ZNF750: variants seen among roughly 807,000 people sequenced by gnomAD.
The protein encoded by ZNF750 is zinc finger protein 750.
In ZNF750, 10 loss-of-function variants were observed where a neutral mutation model predicts 31.6. The observed-to-expected ratio is 0.32, with a 90% CI of 0.19 to 0.54. The LOEUF (loss-of-function observed/expected upper bound fraction) is 0.54, where lower values mean the gene tolerates loss of function less well. Among genes scored for constraint, ZNF750 ranks in the 20% least tolerant of loss-of-function variants. The probability of loss-of-function intolerance (pLI) is 0.95; values close to 1 mark genes in which losing one functional copy is unlikely to be tolerated. For missense variants in ZNF750, 914 were observed against 934.9 expected (o/e 0.98, Z 0.29); for synonymous variants, 400 against 404.9 (o/e 0.99, Z 0.15).
chr17:82,839,146 T>A (rs1455987779), intron 1 of ZNF750, among the ~76,000 whole-genome samples: 1 of 152,256 alleles, frequency 6.6e-6, no homozygotes, highest in African/African-American at 2.4e-5. Context: ...TATGTACTTA[T>A]TTTAAACTTT....
intron 1 of ZNF750, among the ~76,000 whole-genome samples, chr17:82,837,091 G>A (rs182540477): frequency 3.3e-5 from 5 of 152,294 alleles, no homozygotes; most frequent in Admixed American, 2.0e-4. Context: ...GTTGTAAGCC[G>A]GGCGTAGGTC....
intron 1 of ZNF750, among the ~76,000 whole-genome samples, chr17:82,838,351 G>A (rs1021029272): frequency 1.3e-5 from 2 of 151,710 alleles, no homozygotes; most frequent in African/African-American, 4.8e-5. Flanking sequence ...AAAAAACTTT[G>A]ATAGGACACA....
Position 82,830,844 on chromosome 17 carries a change from C to G in ZNF750, c.1470G>C (p.Pro490=). Residue 490 remains proline (P), a synonymous_variant, in exon 3 of 3, where the codon CCG becomes CCC. Coordinates refer to ENST00000269394, the MANE Select transcript of ZNF750 (RefSeq NM_024702.3). ...CCGAGACGAGAGAGGCGCTTCCGGT[C>G]GGAGCAGGAGGGTCTCCGTTCACAA... is the stretch of plus-strand genomic sequence containing the variant. ...LNVVNGDPPA[P]TGSASLVSEA... is the part of the protein sequence containing the mutation. 1 of 1,612,862 alleles carries G rather than the reference C, an allele frequency of 6.2e-7. No homozygotes were observed. The highest frequency in any genetic ancestry group is 8.5e-7 in the Non-Finnish European group (1 of 1,179,986).
rs2053921859 is a variant in ZNF750 at position 82,835,806 on chromosome 17, CATTT to C, written c.-182-3174_-182-3171del. Among the ~76,000 whole-genome samples the C allele has an allele frequency of 6.6e-6, 1 of 152,296 alleles. No homozygotes were observed. Among genetic ancestry groups the C allele is most frequent in the Middle Eastern group, 3.4e-3 (1 of 294 alleles). On this transcript the variant is annotated intron_variant, in intron 1 of 2. Transcript: ENST00000269394. The surrounding 1 kb of genome is among the most constrained non-coding windows in gnomAD (Gnocchi z 4.5). ...TTAACATACTTTAAGTTCTTTAAGA[CATTT>C]ATTTACTAAGAAGTGGTTTGGGTAG...
At position 82,830,095 on chromosome 17, in the gene ZNF750, G is replaced by A. The variant is rs1363042904; in HGVS notation, c.*47C>T. On this transcript the variant is annotated 3_prime_UTR_variant, in exon 3 of 3. Transcript: ENST00000269394. ...GGTGTTGTAGCTTGCCACCTTGGAA[G>A]GCGTGTGTGTGGCCGTAGCTCTGTG... 4.3e-6 allele frequency: 7 copies of A among 1,610,644 alleles called. No individual in the cohort carries two copies. Among genetic ancestry groups the A allele is most frequent in the Non-Finnish European group, 5.1e-6 (6 of 1,178,944 alleles).
Position 82,831,975 on chromosome 17 carries a change from A to G in ZNF750, c.480T>C (p.Ser160=). Residue 160 remains serine (S), a synonymous_variant, in exon 2 of 3, where the codon TCT becomes TCC. Transcript: ENST00000269394. This position sits in a 1 kb window ranked among gnomAD's most constrained non-coding sequence, Gnocchi z 4.6. ...TGTGCTCGCCGACTGGAACAAATGC[A>G]GAAGGCCGAGCTGCGCCTTCCAGAG... The part of the protein sequence containing the change: ...QPALEGAARP[S]AFVPVGEHRL... The G allele has an allele frequency of 6.2e-7, 1 of 1,613,620 alleles. No individual in the cohort carries two copies. The highest frequency in any genetic ancestry group is 8.5e-7 in the Non-Finnish European group (1 of 1,179,610).
rs1361091143 is a variant in ZNF750 at position 82,831,961 on chromosome 17, A to G, written c.494T>C (p.Val165Ala). 49 of 1,613,836 alleles carry G rather than the reference A, an allele frequency of 3.0e-5. No homozygotes were observed. The highest frequency in any genetic ancestry group is 3.9e-5 in the Non-Finnish European group (46 of 1,179,820). The change falls in exon 2 of 3, where the codon GTC becomes GCC. Residue 165 changes from valine to alanine, a missense_variant. Around this residue, in one of 2 missense-constraint regions of ZNF750, gnomAD observed 880 missense variants for 868.9 expected, o/e 1.01. Coordinates refer to ENST00000269394, the MANE Select transcript of ZNF750 (RefSeq NM_024702.3). The surrounding 1 kb of genome is among the most constrained non-coding windows in gnomAD (Gnocchi z 4.6). ...TGGCCCCTTGAGTCTGTGCTCGCCG[A>G]CTGGAACAAATGCAGAAGGCCGAGC... ...GAARPSAFVPVGEHRLKGPDN... is the reference protein window; with the variant it reads ...GAARPSAFVPAGEHRLKGPDN...
chr17:82,834,176 G>A (rs936831654), intron 1 of ZNF750, among the ~76,000 whole-genome samples: 2 of 152,148 alleles, frequency 1.3e-5, no homozygotes, highest in Non-Finnish European at 2.9e-5. Flanking sequence ...TCGAGCTCCT[G>A]ACCTCAGGTG....
In ZNF750 at chr17:82,829,973, A is replaced by G; in HGVS notation, c.*169T>C. The G allele has an allele frequency of 8.7e-7, 1 of 1,147,844 alleles. No homozygotes were observed. The highest frequency in any genetic ancestry group is 1.6e-5 in the South Asian group (1 of 64,048). The allele number at this position is 1,147,844 out of a possible 1,614,324, so 71.1% of individuals were successfully genotyped here. A position where few individuals can be genotyped will look rare whatever the true frequency, so the allele number is the denominator to read the frequency against. On this transcript the variant is annotated 3_prime_UTR_variant, in exon 3 of 3. Transcript: ENST00000269394. ...CTTTTAATATTCATGCTTAATATTT[A>G]TAAAAACTGAATTGGAGGGTTTTTT...
intron 1 of ZNF750, among the ~76,000 whole-genome samples, chr17:82,836,543 C>T (rs1399014060): frequency 6.6e-6 from 1 of 152,034 alleles, no homozygotes; most frequent in African/African-American, 2.4e-5. Flanking sequence ...CTTCAGTTTT[C>T]GAAGCCGCAT....
chr17:82,830,811 C>T lies in ZNF750; in HGVS notation c.1503G>A (p.Ala501=), dbSNP rs1233214588. 4 of 1,613,322 alleles carry T rather than the reference C, an allele frequency of 2.5e-6. No homozygotes were observed. The highest frequency in any genetic ancestry group is 1.1e-5 in the South Asian group (1 of 91,060). ...CGGAGCTGTCGTCCGGACTGGAAGG[C>T]GCGGCCTCCGAGACGAGAGAGGCGC... ...TGSASLVSEA[A]PSSPDDSSGM... is the part of the protein sequence containing the mutation. Residue 501 remains alanine, a synonymous_variant, in exon 3 of 3, where the codon GCG becomes GCA. Transcript: ENST00000269394.
rs75362234 is a variant in ZNF750 at position 82,833,181 on chromosome 17, C to T, written c.-182-545G>A. ...AACATGTACCCACAGTCACAGAGTG[C>T]CCCTCACTTTTACACAGAGCGTGGG... On this transcript the variant is annotated intron_variant, in intron 1 of 2. Coordinates refer to ENST00000269394, the MANE Select transcript of ZNF750 (RefSeq NM_024702.3). The surrounding 1 kb of genome is among the most constrained non-coding windows in gnomAD (Gnocchi z 4.7). Among the ~76,000 whole-genome samples, 176 of 152,194 alleles carry T rather than the reference C, an allele frequency of 1.2e-3. No individual in the cohort carries two copies. Among genetic ancestry groups the T allele is most frequent in the African/African-American group, 4.2e-3 (173 of 41,524 alleles).
intron 1 of ZNF750, chr17:82,838,555 G>A (rs138958084): frequency 1.6e-4 from 107 of 680,086 alleles, no homozygotes; most frequent in Non-Finnish European, 1.8e-4. Context: ...TTGTGATGTG[G>A]CGTTGTTGCA....
At position 82,830,671 on chromosome 17, in the gene ZNF750, T is replaced by A. The variant is rs1281492393; in HGVS notation, c.1643A>T (p.Asp548Val). 1 of 1,613,650 alleles carries A rather than the reference T, an allele frequency of 6.2e-7. No individual in the cohort carries two copies. Among genetic ancestry groups the A allele is most frequent in the Admixed American group, 1.7e-5 (1 of 59,980 alleles). ...AETASFSELQDLPLNLSVKDP... is the reference protein window; with the variant it reads ...AETASFSELQVLPLNLSVKDP... ...CTTCACCGAGAGATTGAGTGGAAGG[T>A]CCTGCAGCTCTGAGAAGCTGGCGGT... The change falls in exon 3 of 3, where the codon GAC becomes GTC. Residue 548 changes from aspartate to valine, a missense_variant. Coordinates refer to ENST00000269394, the MANE Select transcript of ZNF750 (RefSeq NM_024702.3).
Position 82,830,407 on chromosome 17 carries a change from A to C in ZNF750, c.1907T>G (p.Val636Gly). The C allele has an allele frequency of 6.2e-7, 1 of 1,611,780 alleles. No individual in the cohort carries two copies. The highest frequency in any genetic ancestry group is 1.1e-5 in the South Asian group (1 of 91,068). ...SSEEQKQTAA[V>G]ALCQLAAYSP... is the part of the protein sequence containing the mutation. ...GTAGGCCGCCAGCTGGCACAGGGCC[A>C]CGGCTGCCGTCTGCTTCTGCTCCTC... is the stretch of plus-strand genomic sequence containing the variant. The change falls in exon 3 of 3, where the codon GTG becomes GGG. Residue 636 changes from valine (V) to glycine (G), a missense_variant. Val to Gly is a moderately radical substitution (Grantham distance 109). This residue lies in a region of ZNF750 where 880 missense variants were observed against 868.9 expected (regional missense o/e 1.01). Coordinates refer to ENST00000269394, the MANE Select transcript of ZNF750 (RefSeq NM_024702.3).
rs2053558703 is a variant in ZNF750, at chr17:82,831,980, G to A, written c.475C>T (p.Pro159Ser). Residue 159 changes from proline (P) to serine (S), a missense_variant, in exon 2 of 3, where the codon CCT becomes TCT. Transcript: ENST00000269394. This position sits in a 1 kb window ranked among gnomAD's most constrained non-coding sequence, Gnocchi z 4.6. ...TCGCCGACTGGAACAAATGCAGAAG[G>A]CCGAGCTGCGCCTTCCAGAGCAGGC... ...AQPALEGAAR[P>S]SAFVPVGEHR... 1.5e-5 allele frequency: 24 copies of A among 1,613,284 alleles called. No homozygotes were observed. The highest frequency in any genetic ancestry group is 1.9e-5 in the Non-Finnish European group (22 of 1,179,372).
In ZNF750 at chr17:82,833,374, G is replaced by A. The variant is rs1001477834; in HGVS notation, c.-182-738C>T. 6.6e-6 allele frequency among the ~76,000 whole-genome samples: 1 copy of A among 152,146 alleles called. No individual in the cohort carries two copies. The highest frequency in any genetic ancestry group is 2.4e-5 in the African/African-American group (1 of 41,424). ...TGCCCACTTTAGCCACGTCGTTGGT[G>A]TATTCTAGTGTGCTTGTTTAAAAAT... On this transcript the variant is annotated intron_variant, in intron 1 of 2. Transcript: ENST00000269394. The surrounding 1 kb of genome is among the most constrained non-coding windows in gnomAD (Gnocchi z 4.7).
chr17:82,836,562 A>G lies in ZNF750; in HGVS notation c.-183+3365T>C, dbSNP rs951413596. Among the ~76,000 whole-genome samples the G allele has an allele frequency of 2.2e-4, 33 of 152,162 alleles. 1 individual carries two copies. The highest frequency in any genetic ancestry group is 1.7e-3 in the Admixed American group (26 of 15,284). ...AGTTTTCGAAGCCGCATTATTTCAC[A>G]TTGCTGATACCTCTAGCGCCTGAAA... On this transcript the variant is annotated intron_variant, in intron 1 of 2. Coordinates refer to ENST00000269394, the MANE Select transcript of ZNF750 (RefSeq NM_024702.3).
At position 82,835,503 on chromosome 17, in the gene ZNF750, A is replaced by G. The variant is rs775343987; in HGVS notation, c.-182-2867T>C. Among the ~76,000 whole-genome samples the G allele has an allele frequency of 1.3e-5, 2 of 151,912 alleles. No individual in the cohort carries two copies. On this transcript the variant is annotated intron_variant, in intron 1 of 2. Transcript: ENST00000269394. This position sits in a 1 kb window ranked among gnomAD's most constrained non-coding sequence, Gnocchi z 4.5. ...AGTGGTGCGATCTCGGTTCACTGCA[A>G]CCTCTGCCTCCTGGGTTCAAGAGAT...
Sources: gnomAD v4.1 joint callset for allele counts (sites outside exome capture counted in the v4.1 genomes callset) on GRCh38, gnomAD v4.1.1 for gene constraint, gnomAD v4.1.1 regional missense constraint, Gnocchi (gnomAD v3.1) non-coding constraint, MANE v1.5 for transcripts, NCBI Gene and HGNC (gene_info 2026-07-23, HGNC 2026-07-21) for gene names.